The following INF2 variants were observed in gnomAD, a reference collection of about 807,000 sequenced individuals.
INF2 encodes the protein inverted formin 2.
INF2 carries 43 observed loss-of-function variants against 123.5 expected under a neutral mutation model. The ratio of observed to expected loss-of-function variants is 0.35; its 90% CI spans 0.27 to 0.45. The LOEUF (loss-of-function observed/expected upper bound fraction) is 0.45, where lower values mean the gene tolerates loss of function less well. Among genes scored for constraint, INF2 ranks in the 20% least tolerant of loss-of-function variants. The probability of loss-of-function intolerance (pLI) is 1.00; values close to 1 mark genes in which losing one functional copy is unlikely to be tolerated. For synonymous variants in INF2, 851 were observed against 745.0 expected, an observed-to-expected ratio of 1.14 and a Z score of -2.32; for missense variants, 1,453 against 1,682.7, an observed-to-expected ratio of 0.86 and a Z score of 2.39.
In INF2 at chr14:104,710,384, C is replaced by A. The variant is rs375730733; in HGVS notation, c.2239+196C>A. On this transcript the variant is annotated intron_variant, in intron 13 of 22. Coordinates refer to ENST00000392634, the MANE Select transcript of INF2 (RefSeq NM_022489.4). The stretch of plus-strand genomic sequence containing the variant: ...TGCACACACCTACTGGACGCACAGA[C>A]ACACGCATGCCCACCGCCACTCGGG... Among the ~76,000 whole-genome samples, 25 of 152,222 alleles carry A rather than the reference C, an allele frequency of 1.6e-4. No individual in the cohort carries two copies. In the East Asian group the frequency reaches 4.8e-3, roughly 29 times the overall value.
rs748335660 is a variant in INF2, at chr14:104,701,671, C to G, written c.306C>G (p.Val102=). The G allele has an allele frequency of 3.8e-6, 6 of 1,587,630 alleles. No individual in the cohort carries two copies. Among genetic ancestry groups the G allele is most frequent in the Non-Finnish European group, 5.1e-6 (6 of 1,168,490 alleles). Residue 102 remains valine (V), a synonymous_variant, in exon 2 of 23, where the codon GTC becomes GTG. Coordinates refer to ENST00000392634, the MANE Select transcript of INF2 (RefSeq NM_022489.4). The part of the protein sequence containing the change: ...ISDALLQLTC[V]SCVRAVMNSR... ...ACGCCCTGCTGCAGCTCACCTGCGT[C>G]AGCTGCGTGCGCGCCGTCATGAACT...
intron 1 of INF2, among the ~76,000 whole-genome samples, chr14:104,682,551 C>A (rs765818103): frequency 6.6e-6 from 1 of 152,052 alleles, no homozygotes; most frequent in South Asian, 2.1e-4. Context: ...CCCCTGGAGG[C>A]GTGGGGAAGG....
At chr14:104,711,234 G>T in intron 15 of INF2, 48 bp downstream of exon 15, 1 of 1,454,618 alleles carries the variant, frequency 6.9e-7, no homozygotes. Context: ...AAGTCCCCCC[G>T]GACCTGGGGT....
chr14:104,718,159 G>C (rs1367233670), intron 22 of INF2, among the ~76,000 whole-genome samples: 1 of 152,256 alleles, frequency 6.6e-6, no homozygotes, highest in Admixed American at 6.5e-5. Context: ...GTTTAGAGTA[G>C]TGGTTCTCAA....
Position 104,707,529 on chromosome 14 carries a change from C to CACCCCA in INF2, c.1267_1268insAACCCC (p.Pro422_Pro423insGlnPro). 2 of 889,504 alleles carry CACCCCA rather than the reference C, an allele frequency of 2.2e-6. No individual in the cohort carries two copies. The highest frequency in any genetic ancestry group is 5.9e-5 in the Admixed American group (2 of 34,168). 55.1% of individuals were successfully genotyped at this position (889,504 alleles called of 1,614,324 possible). ...GCCCTGGAGCAGCAGGCGTCCACCC[C>CACCCCA]ACCCCCACCCCCACCCCCACCCCTG... is the stretch of plus-strand genomic sequence containing the variant. On this transcript the variant is annotated inframe_insertion, in exon 8 of 23. Transcript: ENST00000392634.
At chr14:104,700,493 G>A (rs1475670409) in intron 1 of INF2, among the ~76,000 whole-genome samples, 1 of 152,150 alleles carries the variant, frequency 6.6e-6, no homozygotes, top group Non-Finnish European at 1.5e-5. Context: ...AGGAGGGCCT[G>A]GGATGCCCCT....
At chr14:104,715,244 G>A in intron 21 of INF2, 40 bp from the exon 22 acceptor site, 1 of 1,604,110 alleles carries the variant, frequency 6.2e-7, no homozygotes, top group Non-Finnish European at 8.5e-7. Context: ...TTGCTTCTGT[G>A]TGATAAGCCG....
Position 104,715,434 on chromosome 14 carries a change from T to A in INF2, c.*1+94T>A, listed in dbSNP as rs796859106. 16 of 1,189,416 alleles carry A rather than the reference T, an allele frequency of 1.3e-5. No individual in the cohort carries two copies. In the African/African-American group the frequency reaches 2.2e-4, roughly 17 times the overall value. The allele number at this position is 1,189,416 out of a possible 1,614,324, so 73.7% of individuals were successfully genotyped here. A position where few individuals can be genotyped will look rare whatever the true frequency, so the allele number is the denominator to read the frequency against. On this transcript the variant is annotated intron_variant, in intron 22 of 22. Coordinates refer to ENST00000392634, the MANE Select transcript of INF2 (RefSeq NM_022489.4). ...CCCACACCCCTCCGGGACACTAACC[T>A]GGCTTCTCTCCAGCCCGCGTGGTGC... is the stretch of plus-strand genomic sequence containing the variant.
intron 1 of INF2, 102 bp downstream of exon 1, chr14:104,689,841 G>A (rs1566771444): frequency 1.4e-6 from 1 of 705,448 alleles, no homozygotes; most frequent in Admixed American, 6.3e-5. Flanking sequence ...CCGGGCTGCG[G>A]CGTGTGTGCC....
chr14:104,714,182 C>T (rs1289344819), intron 20 of INF2, 21 bp from the exon 21 acceptor site: 2 of 1,483,698 alleles, frequency 1.3e-6, no homozygotes, highest in South Asian at 2.7e-5. Flanking sequence ...CTGCCCTTCA[C>T]TGGTGTGTCC....
At position 104,706,903 on chromosome 14, in the gene INF2, C is replaced by T. The variant is rs376927374; in HGVS notation, c.844-7C>T. On this transcript the variant is annotated splice_polypyrimidine_tract_variant and splice_region_variant and intron_variant, in intron 6 of 22. Coordinates refer to ENST00000392634, the MANE Select transcript of INF2 (RefSeq NM_022489.4). ...TGCTGACCTGCACCCCACACTCGCC[C>T]GTCCAGGTGAGCTGCTCCCCGGTGT... The T allele has an allele frequency of 5.0e-6, 8 of 1,603,578 alleles. No homozygotes were observed. The East Asian group carries it at 6.7e-5, about 13-fold the overall frequency.
In INF2 at chr14:104,716,196, C is replaced by T. The variant is rs1052320798; in HGVS notation, c.*1+856C>T. 2.6e-5 allele frequency among the ~76,000 whole-genome samples: 4 copies of T among 152,204 alleles called. No individual in the cohort carries two copies. The East Asian group carries it at 5.8e-4, about 22-fold the overall frequency. On this transcript the variant is annotated intron_variant, in intron 22 of 22. Transcript: ENST00000392634. ...GCCTTGCTCAGAGCCAGCCCGGTGT[C>T]GGTGCATCACAAATATGCTGACCGC...
At chr14:104,703,000 CT>C (rs1889600336) in intron 2 of INF2, 104 bp from the exon 3 acceptor site, 2 of 901,404 alleles carry the variant, frequency 2.2e-6, no homozygotes, top group East Asian at 2.6e-5. Context: ...CCGGCACCCC[CT>C]GGCGTCTGCC....
chr14:104,713,367 C>T (rs1890147036), intron 19 of INF2, 58 bp downstream of exon 19: 9 of 1,561,178 alleles, frequency 5.8e-6, no homozygotes, highest in Non-Finnish European at 7.8e-6. Flanking sequence ...GTCTGTGCTC[C>T]AGCCTCCCCA....
intron 1 of INF2, among the ~76,000 whole-genome samples, chr14:104,698,764 C>T (rs1344915270): frequency 3.3e-5 from 5 of 152,162 alleles, no homozygotes; most frequent in African/African-American, 4.8e-5. Flanking sequence ...GCAGCCTTGG[C>T]AGCACCACAG....
chr14:104,691,673 T>C (rs771020402), intron 1 of INF2, among the ~76,000 whole-genome samples: 1 of 152,116 alleles, frequency 6.6e-6, no homozygotes, highest in Non-Finnish European at 1.5e-5. Context: ...CCAGGCCTAG[T>C]GGACACCTAA....
chr14:104,711,684 C>T lies in INF2; in HGVS notation c.2474C>T (p.Pro825Leu). 6.2e-7 allele frequency: 1 copy of T among 1,612,380 alleles called. No homozygotes were observed. Among genetic ancestry groups the T allele is most frequent in the East Asian group, 2.2e-5 (1 of 44,870 alleles). The change falls in exon 16 of 23, where the codon CCC (proline) becomes CTC (leucine). Residue 825 changes from proline to leucine, a missense_variant. Around this residue, in one of 8 missense-constraint regions of INF2, gnomAD observed 212 missense variants for 266.2 expected, o/e 0.80. Transcript: ENST00000392634. ...LLQLPRDLEQ[P>L]SQAAGINLEI... ...CAGCTGCCCCGGGACCTGGAACAGC[C>T]CTCGCAAGCAGCAGGGTAGGTAGCT...
upstream of INF2, among the ~76,000 whole-genome samples, chr14:104,688,431 A>G (rs1888751556): frequency 6.6e-6 from 1 of 152,238 alleles, no homozygotes; most frequent in African/African-American, 2.4e-5. Flanking sequence ...GAAGCCATTC[A>G]GGAGCCCTTT....
intron 1 of INF2, among the ~76,000 whole-genome samples, chr14:104,697,889 G>GGGC (rs1555372665): frequency 7.9e-5 from 12 of 152,170 alleles, no homozygotes; most frequent in African/African-American, 2.9e-4. Context: ...TGGACTGCCG[G>GGGC]GGGGGGTGGA....
Sources: gnomAD v4.1 joint callset for allele counts (sites outside exome capture counted in the v4.1 genomes callset) on GRCh38, gnomAD v4.1.1 for gene constraint, gnomAD v4.1.1 regional missense constraint, MANE v1.5 for transcripts, NCBI Gene and HGNC (gene_info 2026-07-23, HGNC 2026-07-21) for gene names.